NUMB: variants seen among roughly 807,000 people sequenced by gnomAD.
The protein encoded by NUMB is protein numb homolog.
In NUMB, 29 loss-of-function variants were observed where a neutral mutation model predicts 59.7. That is an observed-to-expected ratio of 0.49 (90% CI 0.36 to 0.66). The LOEUF (loss-of-function observed/expected upper bound fraction) is 0.66, where lower values mean the gene tolerates loss of function less well. Among genes scored for constraint, NUMB ranks in the 30% least tolerant of loss-of-function variants. The pLI is 0.00. For synonymous variants in NUMB, 288 were observed against 288.2 expected, an observed-to-expected ratio of 1.00 and a Z score of 0.01; for missense variants, 723 against 822.0, an observed-to-expected ratio of 0.88 and a Z score of 1.47.
intron 4 of NUMB, among the ~76,000 whole-genome samples, chr14:73,355,147 T>C (rs989214550): frequency 2.0e-5 from 3 of 152,214 alleles, no homozygotes; most frequent in African/African-American, 7.2e-5. Context: ...CACTTTCTGA[T>C]CTTACAAATG....
chr14:73,367,140 A>G (rs1347262562), intron 2 of NUMB, among the ~76,000 whole-genome samples, 159 bp from the exon 3 acceptor site: 3 of 151,904 alleles, frequency 2.0e-5, no homozygotes, highest in Non-Finnish European at 4.4e-5. Context: ...ACTGAAGATG[A>G]TCACTCCAAG....
chr14:73,428,661 C>T (rs374254916), intron 1 of NUMB, among the ~76,000 whole-genome samples: 6 of 152,044 alleles, frequency 3.9e-5, no homozygotes, highest in South Asian at 4.1e-4. Flanking sequence ...TATGGTGGTG[C>T]ATGCCTGAGT....
intron 6 of NUMB, among the ~76,000 whole-genome samples, chr14:73,313,667 T>TAAAAAAAAAAAAAAA (rs1890904306): frequency 2.7e-5 from 1 of 36,746 alleles, no homozygotes; most frequent in African/African-American, 2.3e-4. Context: ...TTCCAAAATC[T>TAAAAAAAAAAAAAAA]GAAAAAAAAA....
At chr14:73,315,617 G>GGTAA (rs929440845) in intron 6 of NUMB, among the ~76,000 whole-genome samples, 7 of 152,024 alleles carry the variant, frequency 4.6e-5, no homozygotes, top group Admixed American at 4.6e-4. Flanking sequence ...GATCCCTAAA[G>GGTAA]GTAAGTTTAT....
intron 1 of NUMB, chr14:73,457,877 C>G (rs1458303907): frequency 6.6e-6 from 1 of 152,546 alleles, no homozygotes; most frequent in Non-Finnish European, 1.5e-5. Flanking sequence ...GTCCCCAACC[C>G]CCTCCGAGCG....
intron 2 of NUMB, among the ~76,000 whole-genome samples, chr14:73,369,647 C>A (rs1440382154): frequency 6.6e-6 from 1 of 152,146 alleles, no homozygotes; most frequent in Non-Finnish European, 1.5e-5. Flanking sequence ...AAAAGAGGAA[C>A]TTAACAAATG....
intron 1 of NUMB, among the ~76,000 whole-genome samples, chr14:73,443,430 T>C (rs962389145): frequency 1.3e-5 from 2 of 151,716 alleles, no homozygotes; most frequent in African/African-American, 2.4e-5. Context: ...ACCCCATCTC[T>C]ACTAAAATTA....
chr14:73,276,939 G>A lies in NUMB; in HGVS notation c.1595C>T (p.Ser532Phe), dbSNP rs1017920892. The A allele has an allele frequency of 1.8e-5, 29 of 1,614,070 alleles. No homozygotes were observed. Among genetic ancestry groups the A allele is most frequent in the Non-Finnish European group, 2.5e-5 (29 of 1,180,052 alleles). ...GCCAAATACGTTGGCCACCATCTGGGAGGGAGTGATGCCCACCACAGGCAC... is the reference window on the plus strand; with the variant it reads ...GCCAAATACGTTGGCCACCATCTGGAAGGGAGTGATGCCCACCACAGGCAC... ...PNVPVVGITP[S>F]QMVANVFGTA... Residue 532 changes from serine to phenylalanine, a missense_variant, in exon 13 of 13, where the codon TCC becomes TTC. Ser to Phe is a radical substitution (Grantham distance 155, BLOSUM62 -2). Coordinates refer to ENST00000555238, the MANE Select transcript of NUMB (RefSeq NM_001005743.2).
rs3742822 is a variant in NUMB at position 73,283,745 on chromosome 14, C to T, written c.949+336G>A. Among the ~76,000 whole-genome samples, 44 of 152,298 alleles carry T rather than the reference C, an allele frequency of 2.9e-4. 1 individual carries two copies. In the East Asian group the frequency reaches 6.6e-3, roughly 23 times the overall value. ...TTAATTCCCTGCTGGGTCCCAATGGCAGAATAAGAATAGAAACTTGAGACC... is the reference window on the plus strand; with the variant it reads ...TTAATTCCCTGCTGGGTCCCAATGGTAGAATAAGAATAGAAACTTGAGACC... On this transcript the variant is annotated intron_variant, in intron 10 of 12. Coordinates refer to ENST00000555238, the MANE Select transcript of NUMB (RefSeq NM_001005743.2).
rs78733300 is a variant in NUMB at position 73,429,449 on chromosome 14, T to C, written c.-232-19381A>G. On this transcript the variant is annotated intron_variant, in intron 1 of 12. Transcript: ENST00000555238. ...CACAAAAATGAAATCACACAGTATG[T>C]GGCCTTTTAAGTCTGACTTCCTTCA... Among the ~76,000 whole-genome samples the C allele has an allele frequency of 7.0e-3, 1,068 of 152,282 alleles. 4 individuals carry two copies. Among genetic ancestry groups the C allele is most frequent in the Middle Eastern group, 0.068 (20 of 294 alleles).
At chr14:73,338,324 T>C (rs1040283404) in intron 4 of NUMB, among the ~76,000 whole-genome samples, 2 of 152,092 alleles carry the variant, frequency 1.3e-5, no homozygotes, top group Admixed American at 1.3e-4. Context: ...AGTTAACTTA[T>C]CGTTCTCTTG....
At chr14:73,403,758 C>A (rs533960745) in intron 2 of NUMB, among the ~76,000 whole-genome samples, 1 of 151,934 alleles carries the variant, frequency 6.6e-6, no homozygotes, top group South Asian at 2.1e-4. Context: ...GAGTTTGAGA[C>A]CAACCTGGCC....
intron 4 of NUMB, among the ~76,000 whole-genome samples, chr14:73,346,271 G>A (rs1162353133): frequency 6.6e-6 from 1 of 152,044 alleles, no homozygotes; most frequent in African/African-American, 2.4e-5. Context: ...CCTGAGGTCG[G>A]GAGTTCGAGA....
chr14:73,434,170 A>T (rs1309969758), intron 1 of NUMB, among the ~76,000 whole-genome samples: 1 of 152,196 alleles, frequency 6.6e-6, no homozygotes, highest in African/African-American at 2.4e-5. Flanking sequence ...AGTAAAACTG[A>T]CTACATTTAA....
At chr14:73,362,589 C>T (rs555487624) in intron 3 of NUMB, among the ~76,000 whole-genome samples, 14 of 152,050 alleles carry the variant, frequency 9.2e-5, no homozygotes, top group East Asian at 5.9e-4. Context: ...ACTACAGGTG[C>T]GCACCACCAT....
rs1594885849 is a variant in NUMB, at chr14:73,304,966, C to T, written c.235-7681G>A. Among the ~76,000 whole-genome samples, 3 of 151,940 alleles carry T rather than the reference C, an allele frequency of 2.0e-5. No homozygotes were observed. In the East Asian group the frequency reaches 5.8e-4, roughly 29 times the overall value. Reference sequence around the variant, plus strand: ...ATTTTTAATAGAGAAGGGGTTTCACCATGTTGGCCAGGCTGGTCTTGAACT... The same window carrying T: ...ATTTTTAATAGAGAAGGGGTTTCACTATGTTGGCCAGGCTGGTCTTGAACT... On this transcript the variant is annotated intron_variant, in intron 6 of 12. Transcript: ENST00000555238.
intron 4 of NUMB, among the ~76,000 whole-genome samples, 171 bp downstream of exon 4, chr14:73,355,455 T>C (rs1282053636): frequency 6.6e-6 from 1 of 152,202 alleles, no homozygotes; most frequent in Non-Finnish European, 1.5e-5. Context: ...TCTATCTGTT[T>C]TCTTTCTCAT....
At chr14:73,360,168 G>C (rs1594948447) in intron 3 of NUMB, among the ~76,000 whole-genome samples, 2 of 152,350 alleles carry the variant, frequency 1.3e-5, no homozygotes. Flanking sequence ...ACTATTCAGT[G>C]AGTCAGTATG....
chr14:73,369,277 G>A lies in NUMB; in HGVS notation c.-100-2296C>T, dbSNP rs192138575. ...AGGCTGGTCTCGAACTCCTGACCTC[G>A]TGATCCACCTGCCTCAGCCTCCCAA... On this transcript the variant is annotated intron_variant, in intron 2 of 12. Transcript: ENST00000555238. Among the ~76,000 whole-genome samples the A allele has an allele frequency of 4.7e-3, 711 of 152,100 alleles. 5 individuals carry two copies. The highest frequency in any genetic ancestry group is 0.03 in the South Asian group (144 of 4,818).
Sources: gnomAD v4.1 joint callset for allele counts (sites outside exome capture counted in the v4.1 genomes callset) on GRCh38, gnomAD v4.1.1 for gene constraint, MANE v1.5 for transcripts, NCBI Gene and HGNC (gene_info 2026-07-23, HGNC 2026-07-21) for gene names.